Variants in CUL4A observed in about 807,000 individuals in gnomAD.
The protein encoded by CUL4A is cullin 4A.
Under a neutral mutation model 95.5 loss-of-function variants are expected in CUL4A, and 16 were observed. The ratio of observed to expected loss-of-function variants is 0.17; its 90% CI spans 0.11 to 0.25. The LOEUF is 0.25. Among genes scored for constraint, CUL4A ranks in the 10% least tolerant of loss-of-function variants. The pLI is 1.00. For synonymous variants in CUL4A, 380 were observed against 353.1 expected, an observed-to-expected ratio of 1.08 and a Z score of -0.85; for missense variants, 610 against 937.0, an observed-to-expected ratio of 0.65 and a Z score of 4.56.
chr13:113,246,287 A>G (rs2041855121), intron 15 of CUL4A, among the ~76,000 whole-genome samples: 1 of 152,190 alleles, frequency 6.6e-6, no homozygotes, highest in Non-Finnish European at 1.5e-5. Flanking sequence ...GCTGACCTGC[A>G]GGGGGCCCAT....
intron 3 of CUL4A, among the ~76,000 whole-genome samples, chr13:113,220,461 C>T (rs1311075332): frequency 6.6e-6 from 1 of 152,248 alleles, no homozygotes; most frequent in Non-Finnish European, 1.5e-5. Flanking sequence ...TGAGGGCGCA[C>T]AGAAGCAGGC....
At chr13:113,208,708 G>A, upstream of CUL4A, 2 of 1,522,614 alleles carry the variant, frequency 1.3e-6, no homozygotes, top group Non-Finnish European at 1.8e-6. Context: ...CCGGCCCTCG[G>A]TCCGTCTGGG....
At position 113,266,567 on chromosome 13, in the gene CUL4A, C is replaced by G. The variant is rs1048869859; in HGVS notation, c.*2985C>G. On this transcript the variant is annotated 3_prime_UTR_variant, in exon 20 of 20. Coordinates refer to ENST00000375440, the MANE Select transcript of CUL4A (RefSeq NM_001008895.4). ...CAGACTAGTCAAATTGTTTTAAATTCTGCTGTTTTTAGAACATTGTAATTG... is the reference window on the plus strand; with the variant it reads ...CAGACTAGTCAAATTGTTTTAAATTGTGCTGTTTTTAGAACATTGTAATTG... The G allele has an allele frequency of 3.9e-5, 6 of 152,182 alleles. No individual in the cohort carries two copies. The highest frequency in any genetic ancestry group is 1.4e-4 in the African/African-American group (6 of 41,448). 9.4% of individuals were successfully genotyped at this position (152,182 alleles called of 1,614,324 possible). A position where few individuals can be genotyped will look rare whatever the true frequency, so the allele number is the denominator to read the frequency against.
At chr13:113,231,883 C>T (rs1172377793) in intron 5 of CUL4A, among the ~76,000 whole-genome samples, 5 of 152,120 alleles carry the variant, frequency 3.3e-5, no homozygotes, top group Admixed American at 3.3e-4. Context: ...CACGTCTCCA[C>T]CATTGAGGTG....
intron 15 of CUL4A, among the ~76,000 whole-genome samples, chr13:113,250,446 G>A (rs993866613): frequency 1.3e-5 from 2 of 152,100 alleles, no homozygotes; most frequent in African/African-American, 4.8e-5. Flanking sequence ...AGTGAGATCC[G>A]AGACCGTGTC....
At position 113,266,873 on chromosome 13, in the gene CUL4A, TTGAC is replaced by T. The variant is rs1228096479; in HGVS notation, c.*3293_*3296del. 1 of 152,242 alleles carries T rather than the reference TTGAC, an allele frequency of 6.6e-6. No homozygotes were observed. The highest frequency in any genetic ancestry group is 1.5e-5 in the Non-Finnish European group (1 of 68,044). The allele number at this position is 152,242 out of a possible 1,614,324, so 9.4% of individuals were successfully genotyped here. Reference sequence around the variant, plus strand: ...AATCATAAGATACTTTTTTTGTAAATTGACTATTATTGTATAAATTTATAGAGTA... The same window carrying T: ...AATCATAAGATACTTTTTTTGTAAATTATTATTGTATAAATTTATAGAGTA... On this transcript the variant is annotated 3_prime_UTR_variant, in exon 20 of 20. Transcript: ENST00000375440.
chr13:113,242,059 G>C (rs1169951865), intron 10 of CUL4A, among the ~76,000 whole-genome samples: 1 of 150,332 alleles, frequency 6.7e-6, no homozygotes, highest in Non-Finnish European at 1.5e-5. Context: ...GCTCACGCTT[G>C]TAATCCCACC....
Position 113,239,539 on chromosome 13 carries a change from C to A in CUL4A, c.1023C>A (p.Ser341Arg), listed in dbSNP as rs1177403263. ...GGQQALLQHWSEYIKTFGTAI... is the reference protein window; with the variant it reads ...GGQQALLQHWREYIKTFGTAI... The stretch of plus-strand genomic sequence containing the variant: ...AGCAGGCGCTGCTGCAGCACTGGAG[C>A]GAGTACATCAAGGTACTGGCGGGGT... The change falls in exon 10 of 20, where the codon AGC becomes AGA. Residue 341 changes from serine (S) to arginine (R), a missense_variant. This residue lies in a region of CUL4A where 153 missense variants were observed against 244.5 expected (regional missense o/e 0.63). Transcript: ENST00000375440. 1 of 1,612,228 alleles carries A rather than the reference C, an allele frequency of 6.2e-7. No individual in the cohort carries two copies. Among genetic ancestry groups the A allele is most frequent in the Non-Finnish European group, 8.5e-7 (1 of 1,179,174 alleles).
chr13:113,208,239 C>CCGCCCACAGCG, upstream of CUL4A: 1 of 1,457,364 alleles, frequency 6.9e-7, no homozygotes, highest in Non-Finnish European at 9.0e-7. Flanking sequence ...CGACACAGCA[C>CCGCCCACAGCG]CGCCCACAGC....
At chr13:113,214,489 G>A (rs1295967334) in intron 2 of CUL4A, among the ~76,000 whole-genome samples, 1 of 151,696 alleles carries the variant, frequency 6.6e-6, no homozygotes, top group African/African-American at 2.4e-5. Flanking sequence ...TTTGTTTTTT[G>A]TTGCACAAAA....
In CUL4A at chr13:113,227,656, G is replaced by A. The variant is rs3764123; in HGVS notation, c.369-320G>A. Among the ~76,000 whole-genome samples the A allele has an allele frequency of 0.011, 1,658 of 152,124 alleles. 126 individuals carry two copies. The East Asian group carries it at 0.19, about 17-fold the overall frequency. ...TGCGGTGGCTCACGCCTGTAATCCC[G>A]GCACTTTGGGAGGCTGAGGCCAGTG... On this transcript the variant is annotated intron_variant, in intron 3 of 19. Transcript: ENST00000375440.
chr13:113,221,636 T>C lies in CUL4A; in HGVS notation c.368+2588T>C, dbSNP rs2040901894. On this transcript the variant is annotated intron_variant, in intron 3 of 19. Transcript: ENST00000375440. ...CTCTGTCACCCAGGCTAGAGTGCAG[T>C]GGCACGATCTCGGCTCACTGCACCT... Among the ~76,000 whole-genome samples the C allele has an allele frequency of 2.0e-5, 3 of 152,320 alleles. No homozygotes were observed. In the South Asian group the frequency reaches 6.2e-4, roughly 32 times the overall value.
At chr13:113,250,689 A>G (rs2041971738) in intron 15 of CUL4A, among the ~76,000 whole-genome samples, 1 of 152,182 alleles carries the variant, frequency 6.6e-6, no homozygotes, top group Non-Finnish European at 1.5e-5. Context: ...ATCACAAACC[A>G]TGGTACTTCT....
chr13:113,266,007 A>G lies in CUL4A; in HGVS notation c.*2425A>G, dbSNP rs1445038644. 2 of 152,138 alleles carry G rather than the reference A, an allele frequency of 1.3e-5. No homozygotes were observed. The highest frequency in any genetic ancestry group is 1.3e-4 in the Admixed American group (2 of 15,264). 9.4% of individuals were successfully genotyped at this position (152,138 alleles called of 1,614,324 possible). On this transcript the variant is annotated 3_prime_UTR_variant, in exon 20 of 20. Coordinates refer to ENST00000375440, the MANE Select transcript of CUL4A (RefSeq NM_001008895.4). ...AGCTTTCCTATAAATATAGGCTATA[A>G]TGGAGGGTCATTTTTTATTTTTATT...
chr13:113,222,149 G>A (rs1001683063), intron 3 of CUL4A, among the ~76,000 whole-genome samples: 1 of 152,220 alleles, frequency 6.6e-6, no homozygotes, highest in South Asian at 2.1e-4. Context: ...TCCCTAAAGG[G>A]GAAAATGAGA....
intron 2 of CUL4A, 89 bp downstream of exon 2, chr13:113,210,177 C>T: frequency 1.2e-6 from 1 of 853,210 alleles, no homozygotes. Context: ...CTCGCAGGCT[C>T]TCGCCGGGGA....
chr13:113,233,035 A>T, intron 5 of CUL4A, 142 bp from the exon 6 acceptor site: 2 of 871,598 alleles, frequency 2.3e-6, no homozygotes, highest in Non-Finnish European at 3.4e-6. Context: ...AGAAGTTTTT[A>T]AAAGGAATTC....
intron 15 of CUL4A, among the ~76,000 whole-genome samples, chr13:113,250,316 G>A (rs1212654930): frequency 6.6e-6 from 1 of 152,086 alleles, no homozygotes; most frequent in Non-Finnish European, 1.5e-5. Flanking sequence ...GCCGCATGTC[G>A]TGGTGTCTGC....
chr13:113,246,412 C>T (rs2041859334), intron 15 of CUL4A, among the ~76,000 whole-genome samples: 1 of 152,156 alleles, frequency 6.6e-6, no homozygotes, highest in Non-Finnish European at 1.5e-5. Context: ...TTATTTAGGG[C>T]CTTCTTTGTC....
Sources: gnomAD v4.1 joint callset for allele counts (sites outside exome capture counted in the v4.1 genomes callset) on GRCh38, gnomAD v4.1.1 for gene constraint, gnomAD v4.1.1 regional missense constraint, MANE v1.5 for transcripts, NCBI Gene and HGNC (gene_info 2026-07-23, HGNC 2026-07-21) for gene names.